The following PTPRQ variants were observed in gnomAD, a reference collection of about 807,000 sequenced individuals.
The protein encoded by PTPRQ is phosphatidylinositol phosphatase PTPRQ.
A neutral mutation model predicts 246.0 loss-of-function variants in PTPRQ; 199 were observed. The observed-to-expected ratio is 0.81, with a 90% CI of 0.72 to 0.91. PTPRQ has a LOEUF of 0.91. Among genes scored for constraint, PTPRQ ranks in the 40% least tolerant of loss-of-function variants. The probability of loss-of-function intolerance (pLI) is 0.00; values close to 1 mark genes in which losing one functional copy is unlikely to be tolerated. For missense variants in PTPRQ, 2,624 were observed against 2,528.4 expected (o/e 1.04, Z -0.81); for synonymous variants, 869 against 853.2 (o/e 1.02, Z -0.32).
Position 80,648,695 on chromosome 12 carries a change from T to C in PTPRQ, c.5916-202T>C, listed in dbSNP as rs143581248. On this transcript the variant is annotated intron_variant, in intron 35 of 44. Coordinates refer to ENST00000644991, the MANE Select transcript of PTPRQ (RefSeq NM_001145026.2). ...CATCTTTTCAGCTCGAGAAAGAATG[T>C]AAATTATTTGCCATGTTTGAGTCCA... Among the ~76,000 whole-genome samples the C allele has an allele frequency of 5.3e-5, 8 of 152,222 alleles. No individual in the cohort carries two copies. The East Asian group carries it at 1.5e-3, about 29-fold the overall frequency.
At chr12:80,544,100 G>A (rs892222398) in intron 23 of PTPRQ, among the ~76,000 whole-genome samples, 3 of 152,016 alleles carry the variant, frequency 2.0e-5, no homozygotes, top group Non-Finnish European at 2.9e-5. Flanking sequence ...TTAGCATAGC[G>A]GTGAAGCAAG....
chr12:80,526,183 A>C (rs1050075247), intron 17 of PTPRQ, among the ~76,000 whole-genome samples: 1 of 152,142 alleles, frequency 6.6e-6, no homozygotes, highest in Admixed American at 6.6e-5. Context: ...ATCAAAATCT[A>C]TGGAGACAGG....
intron 7 of PTPRQ, among the ~76,000 whole-genome samples, chr12:80,470,024 T>C (rs139649017): frequency 1.3e-5 from 2 of 152,184 alleles, no homozygotes; most frequent in Non-Finnish European, 2.9e-5. Flanking sequence ...TGAGTTTAGC[T>C]GCAAAGCAAA....
At chr12:80,517,104 A>G (rs1260456147) in intron 17 of PTPRQ, among the ~76,000 whole-genome samples, 2 of 152,168 alleles carry the variant, frequency 1.3e-5, no homozygotes, top group Non-Finnish European at 1.5e-5. Context: ...CTGAAGCTTG[A>G]GTGCCAAGGT....
chr12:80,514,585 A>G (rs1895229639), intron 17 of PTPRQ, among the ~76,000 whole-genome samples: 2 of 138,112 alleles, frequency 1.4e-5, no homozygotes, highest in South Asian at 4.5e-4. Context: ...TATATATATT[A>G]TATAATATAT....
intron 29 of PTPRQ, among the ~76,000 whole-genome samples, chr12:80,614,454 A>T (rs533229225): frequency 7.6e-4 from 115 of 151,012 alleles, no homozygotes; most frequent in African/African-American, 2.7e-3. Context: ...AAGAAACAGA[A>T]TTTACTCTAA....
chr12:80,481,633 C>T (rs1345256022), intron 8 of PTPRQ, among the ~76,000 whole-genome samples: 1 of 152,084 alleles, frequency 6.6e-6, no homozygotes, highest in Non-Finnish European at 1.5e-5. Flanking sequence ...ACCCCATTGT[C>T]TCAGCCCAAA....
intron 25 of PTPRQ, among the ~76,000 whole-genome samples, chr12:80,580,863 A>T (rs948885634): frequency 6.6e-6 from 1 of 152,150 alleles, no homozygotes; most frequent in African/African-American, 2.4e-5. Flanking sequence ...TGAAATTGTC[A>T]TTATGTTTCC....
intron 30 of PTPRQ, 118 bp downstream of exon 30, chr12:80,616,384 C>A: frequency 1.1e-6 from 1 of 897,432 alleles, no homozygotes; most frequent in Non-Finnish European, 1.5e-6. Context: ...ATATATTAAG[C>A]ACATACTAAG....
chr12:80,581,672 GATC>G (rs1222727248), intron 25 of PTPRQ, among the ~76,000 whole-genome samples: 5 of 151,736 alleles, frequency 3.3e-5, no homozygotes, highest in African/African-American at 1.2e-4. Context: ...TAATAAAAAC[GATC>G]ATCAGCAAAA....
intron 35 of PTPRQ, among the ~76,000 whole-genome samples, chr12:80,643,117 T>G (rs1284119712): frequency 6.6e-6 from 1 of 151,838 alleles, no homozygotes; most frequent in Non-Finnish European, 1.5e-5. Flanking sequence ...ACATATCATT[T>G]ACTATTAATT....
chr12:80,642,558 GAC>G (rs1899903444), intron 35 of PTPRQ, among the ~76,000 whole-genome samples: 1 of 152,136 alleles, frequency 6.6e-6, no homozygotes. Flanking sequence ...TGAGCTTTTT[GAC>G]ATCAGCAAGA....
chr12:80,488,534 G>A (rs971871682), intron 9 of PTPRQ, among the ~76,000 whole-genome samples: 1 of 152,020 alleles, frequency 6.6e-6, no homozygotes, highest in Non-Finnish European at 1.5e-5. Context: ...AGCAGTATAT[G>A]CATATTATTT....
At chr12:80,649,067 A>G (rs1900170253) in intron 36 of PTPRQ, 144 bp downstream of exon 36, 1 of 739,630 alleles carries the variant, frequency 1.4e-6, no homozygotes, top group Admixed American at 4.0e-5. Flanking sequence ...AAGCATGACT[A>G]ATTGCATGGT....
intron 29 of PTPRQ, among the ~76,000 whole-genome samples, chr12:80,615,885 C>A (rs9668280): frequency 0.051 from 7,733 of 150,890 alleles, 378 homozygotes; most frequent in African/African-American, 0.13. Context: ...GTCCAGGTCT[C>A]AGTGATAGGG....
chr12:80,647,628 T>A (rs1470272319), intron 35 of PTPRQ, among the ~76,000 whole-genome samples: 2 of 152,316 alleles, frequency 1.3e-5, no homozygotes, highest in South Asian at 4.1e-4. Flanking sequence ...ATTCAGACAT[T>A]CTATTTTCCC....
At chr12:80,643,674 TAAC>T (rs1899972461) in intron 35 of PTPRQ, among the ~76,000 whole-genome samples, 1 of 151,960 alleles carries the variant, frequency 6.6e-6, no homozygotes, top group Non-Finnish European at 1.5e-5. Flanking sequence ...TAATAGGAAA[TAAC>T]AAAAATTAAG....
At chr12:80,488,240 C>T (rs908927123) in intron 9 of PTPRQ, among the ~76,000 whole-genome samples, 3 of 151,734 alleles carry the variant, frequency 2.0e-5, no homozygotes, top group African/African-American at 7.3e-5. Flanking sequence ...AATCATAGGT[C>T]CCAACTAACT....
Position 80,622,125 on chromosome 12 carries a change from A to G in PTPRQ, c.5677A>G (p.Lys1893Glu). ...FTDSDYSDPV[K>E]TLGEGLSERT... ...TGACTCTGATTATTCTGACCCTGTT[A>G]AGACTTTAGGTAAGACATTTTTGTA... Residue 1893 changes from lysine to glutamate, a missense_variant, in exon 33 of 45, where the codon AAG (lysine) becomes GAG (glutamate). Physicochemically the swap from Lys to Glu is moderately conservative, Grantham distance 56. Transcript: ENST00000644991. The G allele has an allele frequency of 1.4e-6, 2 of 1,439,566 alleles. No individual in the cohort carries two copies. Among genetic ancestry groups the G allele is most frequent in the Non-Finnish European group, 1.8e-6 (2 of 1,090,960 alleles). The allele number at this position is 1,439,566 out of a possible 1,614,324, so 89.2% of individuals were successfully genotyped here.
Sources: gnomAD v4.1 joint callset for allele counts (sites outside exome capture counted in the v4.1 genomes callset) on GRCh38, gnomAD v4.1.1 for gene constraint, MANE v1.5 for transcripts, NCBI Gene and HGNC (gene_info 2026-07-23, HGNC 2026-07-21) for gene names.